Variants in ATRNL1 observed in about 807,000 individuals in gnomAD.
The protein encoded by ATRNL1 is attractin like 1.
In ATRNL1, 95 loss-of-function variants were observed where a neutral mutation model predicts 182.7. That is an observed-to-expected ratio of 0.52 (90% CI 0.44 to 0.62). ATRNL1 has a LOEUF of 0.62. Among genes scored for constraint, ATRNL1 ranks in the 20% least tolerant of loss-of-function variants. The pLI is 0.00. For synonymous variants in ATRNL1, 576 were observed against 568.3 expected (o/e 1.01, Z -0.19); for missense variants, 1,471 against 1,679.5 (o/e 0.88, Z 2.17).
intron 8 of ATRNL1, among the ~76,000 whole-genome samples, chr10:115,200,285 G>T (rs1265202218): frequency 2.0e-5 from 3 of 147,472 alleles, no homozygotes; most frequent in Admixed American, 6.8e-5. Context: ...GTGCAGGTTA[G>T]TTACATATGT....
intron 8 of ATRNL1, among the ~76,000 whole-genome samples, chr10:115,209,348 A>G (rs1390931775): frequency 6.7e-6 from 1 of 150,074 alleles, no homozygotes; most frequent in African/African-American, 2.5e-5. Context: ...TTTTAGAGTC[A>G]TAGTCCTATG....
At chr10:115,688,827 T>C (rs1034686572) in intron 26 of ATRNL1, among the ~76,000 whole-genome samples, 1 of 152,138 alleles carries the variant, frequency 6.6e-6, no homozygotes, top group African/African-American at 2.4e-5. Context: ...TTATCCCCCC[T>C]TTTTTATGAT....
At chr10:115,846,817 G>C (rs191994550) in intron 27 of ATRNL1, among the ~76,000 whole-genome samples, 216 of 152,158 alleles carry the variant, frequency 1.4e-3, no homozygotes, top group Middle Eastern at 6.8e-3. Flanking sequence ...GTGAACTCAG[G>C]AGGCAGCCTG....
rs2084930702 is a variant in ATRNL1, at chr10:115,093,583, C to T, written c.-168C>T. ...ACTGGAGGCAGCCGAGCGGAGGCGA[C>T]GGCGGTTGGGATCTGTCCCTCCTGA... On this transcript the variant is annotated 5_prime_UTR_variant, in exon 1 of 29. It adds an upstream start codon to the 5' untranslated region. Transcript: ENST00000355044. The surrounding 1 kb of genome is among the most constrained non-coding windows in gnomAD (Gnocchi z 6.1). 1.3e-6 allele frequency: 1 copy of T among 780,948 alleles called. No individual in the cohort carries two copies. The highest frequency in any genetic ancestry group is 2.1e-6 in the Non-Finnish European group (1 of 468,394). The allele number at this position is 780,948 out of a possible 1,614,324, so 48.4% of individuals were successfully genotyped here.
At chr10:115,356,892 G>A (rs1157048046) in intron 19 of ATRNL1, among the ~76,000 whole-genome samples, 1 of 151,922 alleles carries the variant, frequency 6.6e-6, no homozygotes, top group Non-Finnish European at 1.5e-5. Context: ...TCAGGAACAA[G>A]TGGACTAATA....
chr10:115,706,727 G>C (rs543155651), intron 26 of ATRNL1, among the ~76,000 whole-genome samples: 6 of 151,974 alleles, frequency 3.9e-5, no homozygotes, highest in African/African-American at 1.2e-4. Context: ...TAATTTGACA[G>C]CCTGAGTAGT....
At chr10:115,880,316 G>A (rs1335256903) in intron 28 of ATRNL1, among the ~76,000 whole-genome samples, 4 of 152,164 alleles carry the variant, frequency 2.6e-5, no homozygotes, top group African/African-American at 4.8e-5. Flanking sequence ...GCTTCGGCTA[G>A]AGAAGACCTG....
chr10:115,135,418 G>A (rs565456371), intron 5 of ATRNL1, among the ~76,000 whole-genome samples: 2 of 152,294 alleles, frequency 1.3e-5, no homozygotes, highest in East Asian at 1.9e-4. Context: ...CAAATCATGA[G>A]TGAACTCCCA....
intron 26 of ATRNL1, among the ~76,000 whole-genome samples, chr10:115,559,421 T>C (rs1853534395): frequency 1.0e-5 from 1 of 96,300 alleles, no homozygotes; most frequent in African/African-American, 4.3e-5. Flanking sequence ...TGTTTGTGTG[T>C]GTGTGTGTGT....
intron 25 of ATRNL1, among the ~76,000 whole-genome samples, chr10:115,536,712 C>T (rs1297223415): frequency 6.6e-6 from 1 of 152,238 alleles, no homozygotes; most frequent in East Asian, 1.9e-4. Flanking sequence ...GTCGCTCATG[C>T]TGGGAGCTGC....
chr10:115,326,795 C>G (rs1279474118), intron 18 of ATRNL1, among the ~76,000 whole-genome samples: 1 of 152,146 alleles, frequency 6.6e-6, no homozygotes, highest in Non-Finnish European at 1.5e-5. Context: ...CTACAACTAT[C>G]TGATCTTTGA....
intron 28 of ATRNL1, among the ~76,000 whole-genome samples, chr10:115,899,020 C>T (rs1555113097): frequency 6.6e-6 from 1 of 150,982 alleles, no homozygotes; most frequent in Non-Finnish European, 1.5e-5. Context: ...AGGTTTGTTA[C>T]ACATGTATAC....
chr10:115,171,263 A>G lies in ATRNL1; in HGVS notation c.1319A>G (p.Tyr440Cys). The change falls in exon 8 of 29, where the codon TAT becomes TGT. Residue 440 changes from tyrosine (Y) to cysteine (C), a missense_variant. Transcript: ENST00000355044. ...TTTGGATATTCTGCAATATATGGTT[A>G]TACAAGCAGCATACAGGAATACCAT... is the stretch of plus-strand genomic sequence containing the variant. ...IIFGYSAIYG[Y>C]TSSIQEYHIS... is the part of the protein sequence containing the mutation. The G allele has an allele frequency of 6.2e-7, 1 of 1,606,844 alleles. No homozygotes were observed. Among genetic ancestry groups the G allele is most frequent in the South Asian group, 1.1e-5 (1 of 90,346 alleles).
At chr10:115,705,315 A>G (rs1555052745) in intron 26 of ATRNL1, among the ~76,000 whole-genome samples, 1 of 151,968 alleles carries the variant, frequency 6.6e-6, no homozygotes, top group African/African-American at 2.4e-5. Flanking sequence ...ATATTTTAGC[A>G]TTACATCTAG....
rs562242237 is a variant in ATRNL1 at position 115,370,834 on chromosome 10, G to A, written c.3176-23825G>A. 3.9e-3 allele frequency among the ~76,000 whole-genome samples: 601 copies of A among 152,304 alleles called. 5 individuals carry two copies. Among genetic ancestry groups the A allele is most frequent in the African/African-American group, 0.014 (579 of 41,574 alleles). ...ATGCTAATCACCAAGACAGTGGGGG[G>A]AAATGTCTCCAGGGCATGTCAGGGA... is the stretch of plus-strand genomic sequence containing the variant. On this transcript the variant is annotated intron_variant, in intron 19 of 28. Transcript: ENST00000355044.
intron 8 of ATRNL1, among the ~76,000 whole-genome samples, chr10:115,187,560 T>G (rs566556496): frequency 2.5e-4 from 38 of 151,796 alleles, no homozygotes; most frequent in African/African-American, 8.7e-4. Context: ...CATTATGTAC[T>G]CAGTTCACAA....
intron 25 of ATRNL1, among the ~76,000 whole-genome samples, chr10:115,544,736 A>C (rs745786784): frequency 1.4e-4 from 22 of 152,214 alleles, no homozygotes; most frequent in Non-Finnish European, 2.2e-4. Flanking sequence ...AAGGGATAGC[A>C]TGGAATACAG....
intron 26 of ATRNL1, among the ~76,000 whole-genome samples, chr10:115,621,095 T>C (rs1857710992): frequency 6.6e-6 from 1 of 151,812 alleles, no homozygotes; most frequent in Non-Finnish European, 1.5e-5. Context: ...CAAAGACTGT[T>C]GAAGCATTCA....
At chr10:115,601,656 C>A (rs1461795030) in intron 26 of ATRNL1, among the ~76,000 whole-genome samples, 1 of 152,120 alleles carries the variant, frequency 6.6e-6, no homozygotes, top group Non-Finnish European at 1.5e-5. Context: ...ATGTTCTGGT[C>A]TATTTTTATG....
Sources: allele counts gnomAD v4.1 joint callset (sites outside exome capture counted in the v4.1 genomes callset), GRCh38; gene constraint gnomAD v4.1.1; non-coding constraint Gnocchi (gnomAD v3.1); transcripts MANE v1.5; gene names NCBI Gene and HGNC (gene_info 2026-07-23, HGNC 2026-07-21).